SLC16A12: variants seen among roughly 807,000 people sequenced by gnomAD.
The protein encoded by SLC16A12 is solute carrier family 16 member 12, also known as monocarboxylate transporter 12.
A neutral mutation model predicts 42.4 loss-of-function variants in SLC16A12; 17 were observed. The observed-to-expected ratio is 0.40, with a 90% confidence interval of 0.27 to 0.60. The LOEUF is 0.60. SLC16A12 is among the 20% of genes least tolerant of loss of function. SLC16A12 has a pLI of 0.42. For synonymous variants in SLC16A12, 224 were observed against 229.4 expected (o/e 0.98, Z 0.21); for missense variants, 544 against 623.0 (o/e 0.87, Z 1.35).
intron 2 of SLC16A12, among the ~76,000 whole-genome samples, chr10:89,525,078 G>A (rs1056983250): frequency 1.2e-4 from 19 of 152,106 alleles, no homozygotes; most frequent in African/African-American, 4.6e-4. Flanking sequence ...AAAATTCCCT[G>A]GGCGTGGCGC....
chr10:89,488,103 A>G (rs1479929053), intron 2 of SLC16A12, among the ~76,000 whole-genome samples: 2 of 150,908 alleles, frequency 1.3e-5, no homozygotes, highest in East Asian at 3.9e-4. Context: ...ATGGAATACT[A>G]CATAGCCAGA....
At chr10:89,551,021 C>T (rs1000799858) in intron 2 of SLC16A12, among the ~76,000 whole-genome samples, 1 of 152,138 alleles carries the variant, frequency 6.6e-6, no homozygotes, top group African/African-American at 2.4e-5. Flanking sequence ...TAAAAGGATC[C>T]AAAGTTTTCA....
chr10:89,511,109 GAA>G (rs1301544257), intron 2 of SLC16A12, among the ~76,000 whole-genome samples: 1 of 152,208 alleles, frequency 6.6e-6, no homozygotes, highest in Non-Finnish European at 1.5e-5. Context: ...TAGAGAAATA[GAA>G]ACGCTTTTAC....
chr10:89,466,508 C>A (rs1842403198), intron 2 of SLC16A12, among the ~76,000 whole-genome samples: 2 of 152,292 alleles, frequency 1.3e-5, no homozygotes, highest in South Asian at 4.1e-4. Context: ...AATGAGAGCA[C>A]CCACAAACCA....
chr10:89,547,029 G>A (rs1843745733), intron 2 of SLC16A12, among the ~76,000 whole-genome samples: 1 of 152,198 alleles, frequency 6.6e-6, no homozygotes, highest in Non-Finnish European at 1.5e-5. Context: ...ACCAGAGCCT[G>A]TTGGGGGGTT....
chr10:89,451,591 T>C (rs1842097340), intron 3 of SLC16A12, among the ~76,000 whole-genome samples: 1 of 152,126 alleles, frequency 6.6e-6, no homozygotes, highest in South Asian at 2.1e-4. Flanking sequence ...TTTGTATTTT[T>C]AGTAGAGACA....
chr10:89,457,798 CCT>C (rs1312742219), intron 3 of SLC16A12, among the ~76,000 whole-genome samples: 1 of 152,152 alleles, frequency 6.6e-6, no homozygotes, highest in East Asian at 1.9e-4. Flanking sequence ...GATCTCTCCC[CCT>C]GTGACTTTTT....
chr10:89,443,722 C>T (rs778460060), intron 4 of SLC16A12, 34 bp downstream of exon 4: 2 of 1,416,488 alleles, frequency 1.4e-6, no homozygotes, highest in South Asian at 2.3e-5. Context: ...TCAAGAGTGG[C>T]CAGTAATTCC....
chr10:89,455,515 T>C (rs1043655588), intron 3 of SLC16A12, among the ~76,000 whole-genome samples: 1 of 152,348 alleles, frequency 6.6e-6, no homozygotes, highest in African/African-American at 2.4e-5. Context: ...TTCTGAATGA[T>C]TGTGACTTTC....
At chr10:89,474,314 C>T (rs1350094124) in intron 2 of SLC16A12, among the ~76,000 whole-genome samples, 1 of 152,164 alleles carries the variant, frequency 6.6e-6, no homozygotes, top group East Asian at 1.9e-4. Context: ...TCACCTTACC[C>T]AAACCCAAAC....
At position 89,436,310 on chromosome 10, in the gene SLC16A12, C is replaced by T. The variant is rs529351922; in HGVS notation, c.1038G>A (p.Lys346=). The T allele has an allele frequency of 2.5e-6, 4 of 1,614,048 alleles. No individual in the cohort carries two copies. The East Asian group carries it at 6.7e-5, about 27-fold the overall frequency. Residue 346 remains lysine, a synonymous_variant, in exon 7 of 8, where the codon AAG becomes AAA. Coordinates refer to ENST00000371790, the MANE Select transcript of SLC16A12 (RefSeq NM_213606.4). ...AGAGGTAGCAAACATACTGGTAATTCTTCAGACACCTGTAGATTTGAAGAA... is the reference window on the plus strand; with the variant it reads ...AGAGGTAGCAAACATACTGGTAATTTTTCAGACACCTGTAGATTTGAAGAA... ...FGWLTDRRCL[K]NYQYVCYLFA... is the part of the protein sequence containing the mutation.
intron 2 of SLC16A12, among the ~76,000 whole-genome samples, chr10:89,490,523 A>G (rs574741963): frequency 6.6e-6 from 1 of 152,170 alleles, no homozygotes; most frequent in South Asian, 2.1e-4. Flanking sequence ...AACTCAGGGA[A>G]AAATCTTTAC....
At chr10:89,487,756 G>C (rs1842779783) in intron 2 of SLC16A12, among the ~76,000 whole-genome samples, 1 of 143,908 alleles carries the variant, frequency 6.9e-6, no homozygotes, top group African/African-American at 2.6e-5. Flanking sequence ...AGTTTGCTGT[G>C]AGCTGAGATC....
At chr10:89,448,746 G>A (rs1427777999) in intron 3 of SLC16A12, among the ~76,000 whole-genome samples, 7 of 152,314 alleles carry the variant, frequency 4.6e-5, no homozygotes, top group East Asian at 1.9e-4. Flanking sequence ...AGTGTTGGAC[G>A]TTCTGGCCAG....
upstream of SLC16A12, among the ~76,000 whole-genome samples, chr10:89,537,385 C>A (rs1481213584): frequency 1.3e-5 from 2 of 151,910 alleles, no homozygotes; most frequent in Non-Finnish European, 2.9e-5. Context: ...TCTCATTTTA[C>A]CCTCTGGCTA....
At chr10:89,484,060 G>T (rs1368849112) in intron 2 of SLC16A12, among the ~76,000 whole-genome samples, 1 of 152,174 alleles carries the variant, frequency 6.6e-6, no homozygotes, top group African/African-American at 2.4e-5. Context: ...AAGCTGACAT[G>T]GGTGGCTCTC....
At chr10:89,475,347 C>T (rs758986229) in intron 2 of SLC16A12, among the ~76,000 whole-genome samples, 3 of 152,112 alleles carry the variant, frequency 2.0e-5, no homozygotes, top group Non-Finnish European at 2.9e-5. Flanking sequence ...AGGGACTGAA[C>T]GTGGGAGGGA....
At chr10:89,462,286 T>C (rs1842313810) in intron 3 of SLC16A12, 93 bp downstream of exon 3, 47 of 1,552,128 alleles carry the variant, frequency 3.0e-5, no homozygotes, top group Non-Finnish European at 3.3e-5. Context: ...ACACATATCT[T>C]CACAATGATG....
intron 2 of SLC16A12, among the ~76,000 whole-genome samples, chr10:89,479,834 A>G (rs1842637126): frequency 6.6e-6 from 1 of 152,212 alleles, no homozygotes; most frequent in African/African-American, 2.4e-5. Flanking sequence ...ATTATGATTT[A>G]TATATCACGA....
Sources: gnomAD v4.1 joint callset for allele counts (sites outside exome capture counted in the v4.1 genomes callset) on GRCh38, gnomAD v4.1.1 for gene constraint, MANE v1.5 for transcripts, NCBI Gene and HGNC (gene_info 2026-07-23, HGNC 2026-07-21) for gene names.